The following RESF1 variants were observed in gnomAD, a reference collection of about 807,000 sequenced individuals.
RESF1 encodes gonad expressed transcript.
In RESF1, 65 loss-of-function variants were observed where a neutral mutation model predicts 134.7. The observed-to-expected ratio is 0.48, with a 90% CI of 0.40 to 0.59. The LOEUF is 0.59. Among genes scored for constraint, RESF1 ranks in the 20% least tolerant of loss-of-function variants. The pLI is 0.00. For synonymous variants in RESF1, 762 were observed against 702.2 expected, an observed-to-expected ratio of 1.09 and a Z score of -1.35; for missense variants, 2,274 against 2,002.7, an observed-to-expected ratio of 1.14 and a Z score of -2.59.
At position 31,984,545 on chromosome 12, in the gene RESF1, C is replaced by A. The variant is rs368018013; in HGVS notation, c.3590C>A (p.Ser1197Tyr). The A allele has an allele frequency of 1.6e-5, 26 of 1,589,992 alleles. No homozygotes were observed. Among genetic ancestry groups the A allele is most frequent in the Non-Finnish European group, 2.1e-5 (25 of 1,169,412 alleles). The change falls in exon 4 of 6, where the codon TCT (serine) becomes TAT (tyrosine). Residue 1197 changes from serine to tyrosine, a missense_variant. Coordinates refer to ENST00000312561, the MANE Select transcript of RESF1 (RefSeq NM_018169.4). ...QCQCNSIKNS[S>Y]SEEEKQKEQC... is the part of the protein sequence containing the mutation. ...CAGTGTAATTCCATCAAGAACTCAT[C>A]TTCAGAGGAAGAGAAACAAAAAGAG... is the stretch of plus-strand genomic sequence containing the variant.
chr12:31,975,466 T>G (rs192396829), intron 3 of RESF1, among the ~76,000 whole-genome samples: 1 of 152,372 alleles, frequency 6.6e-6, no homozygotes, highest in African/African-American at 2.4e-5. Flanking sequence ...TGATAAATGC[T>G]TAATAGTATG....
chr12:31,986,234 G>A (rs186970570), intron 4 of RESF1, among the ~76,000 whole-genome samples: 58 of 152,296 alleles, frequency 3.8e-4, no homozygotes, highest in African/African-American at 1.3e-3. Context: ...GTACCAAGAA[G>A]GCTGTACTGT....
chr12:31,985,079 G>C lies in RESF1; in HGVS notation c.4124G>C (p.Arg1375Pro). ...KLKSVSFKQK[R>P]KLDQGNVLDM... ...AAATCAGTTAGCTTCAAACAAAAACGAAAGTTAGACCAAGGGAACGTATTA... is the reference window on the plus strand; with the variant it reads ...AAATCAGTTAGCTTCAAACAAAAACCAAAGTTAGACCAAGGGAACGTATTA... The change falls in exon 4 of 6, where the codon CGA becomes CCA. Residue 1375 changes from arginine to proline, a missense_variant. Arg to Pro is a moderately radical substitution (Grantham distance 103). Coordinates refer to ENST00000312561, the MANE Select transcript of RESF1 (RefSeq NM_018169.4). The C allele has an allele frequency of 6.4e-7, 1 of 1,569,162 alleles. No individual in the cohort carries two copies. Among genetic ancestry groups the C allele is most frequent in the Non-Finnish European group, 8.6e-7 (1 of 1,165,740 alleles).
At position 31,985,974 on chromosome 12, in the gene RESF1, T is replaced by G; in HGVS notation, c.5002+17T>G. The G allele has an allele frequency of 6.9e-7, 1 of 1,452,502 alleles. No individual in the cohort carries two copies. Among genetic ancestry groups the G allele is most frequent in the Non-Finnish European group, 9.1e-7 (1 of 1,102,460 alleles). 90.0% of individuals were successfully genotyped at this position (1,452,502 alleles called of 1,614,324 possible). On this transcript the variant is annotated intron_variant, in intron 4 of 5. Transcript: ENST00000312561. ...CTCTGCAAGGTCCAGTATGATTTTCTTGGTGGTGTCTACAATATTGTAAAG... is the reference window on the plus strand; with the variant it reads ...CTCTGCAAGGTCCAGTATGATTTTCGTGGTGGTGTCTACAATATTGTAAAG...
chr12:31,978,075 A>AT (rs1939678162), intron 3 of RESF1, among the ~76,000 whole-genome samples: 2 of 152,042 alleles, frequency 1.3e-5, no homozygotes, highest in South Asian at 4.1e-4. Flanking sequence ...AAGTGCTGGG[A>AT]TTACAGGCAA....
chr12:31,992,238 C>A, intron 5 of RESF1, 140 bp from the exon 6 acceptor site: 1 of 711,296 alleles, frequency 1.4e-6, no homozygotes, highest in Non-Finnish European at 2.4e-6. Flanking sequence ...AAGTGAAGAG[C>A]TATGGTTCTG....
intron 1 of RESF1, among the ~76,000 whole-genome samples, chr12:31,960,473 G>T (rs552258729): frequency 1.7e-4 from 26 of 152,042 alleles, no homozygotes; most frequent in Non-Finnish European, 3.4e-4. Context: ...CTGTGCAGTC[G>T]GATTTTTTTC....
At chr12:31,975,764 A>G (rs1418013559) in intron 3 of RESF1, among the ~76,000 whole-genome samples, 1 of 152,096 alleles carries the variant, frequency 6.6e-6, no homozygotes, top group Non-Finnish European at 1.5e-5. Flanking sequence ...GGCCTTTTTC[A>G]CTCAGTCTTG....
Position 31,985,318 on chromosome 12 carries a change from C to T in RESF1, c.4363C>T (p.His1455Tyr). 6.2e-7 allele frequency: 1 copy of T among 1,612,180 alleles called. No individual in the cohort carries two copies. Among genetic ancestry groups the T allele is most frequent in the South Asian group, 1.1e-5 (1 of 90,556 alleles). The part of the protein sequence containing the change: ...TPKEYLQRQK[H>Y]KEALSNKASK... The stretch of plus-strand genomic sequence containing the variant: ...TAAGGAGTATTTACAAAGGCAGAAG[C>T]ATAAAGAAGCTCTGAGTAATAAAGC... Residue 1455 changes from histidine (H) to tyrosine (Y), a missense_variant, in exon 4 of 6, where the codon CAT becomes TAT. Physicochemically the swap from His to Tyr is moderately conservative, Grantham distance 83. Coordinates refer to ENST00000312561, the MANE Select transcript of RESF1 (RefSeq NM_018169.4).
chr12:31,988,387 A>G (rs759230910), intron 5 of RESF1, among the ~76,000 whole-genome samples: 1 of 152,272 alleles, frequency 6.6e-6, no homozygotes, highest in Non-Finnish European at 1.5e-5. Flanking sequence ...ACAATATAGT[A>G]TAACAACTGT....
intron 2 of RESF1, among the ~76,000 whole-genome samples, chr12:31,968,333 T>G (rs188397331): frequency 6.6e-6 from 1 of 151,158 alleles, no homozygotes; most frequent in East Asian, 1.9e-4. Flanking sequence ...CCTACGTCTT[T>G]TAGGTACTGA....
At position 31,984,949 on chromosome 12, in the gene RESF1, C is replaced by T. The variant is rs538266903; in HGVS notation, c.3994C>T (p.Arg1332Cys). ...GAAGAAACATGTAACACAGAACTCA[C>T]GTCCACTAAAAACAAAAACAGCTTT... ...RQKKHVTQNSRPLKTKTAFLP... is the reference protein window; with the variant it reads ...RQKKHVTQNSCPLKTKTAFLP... Residue 1332 changes from arginine to cysteine, a missense_variant, in exon 4 of 6, where the codon CGT becomes TGT. Transcript: ENST00000312561. The T allele has an allele frequency of 2.7e-5, 44 of 1,613,220 alleles. No homozygotes were observed. The highest frequency in any genetic ancestry group is 4.4e-5 in the South Asian group (4 of 90,726).
chr12:31,984,578 C>A lies in RESF1; in HGVS notation c.3623C>A (p.Ser1208Tyr). 1 of 1,585,440 alleles carries A rather than the reference C, an allele frequency of 6.3e-7. No homozygotes were observed. The highest frequency in any genetic ancestry group is 1.4e-5 in the African/African-American group (1 of 73,564). The change falls in exon 4 of 6, where the codon TCT (serine) becomes TAT (tyrosine). Residue 1208 changes from serine (S) to tyrosine (Y), a missense_variant. Coordinates refer to ENST00000312561, the MANE Select transcript of RESF1 (RefSeq NM_018169.4). Reference sequence around the variant, plus strand: ...GAAGAGAAACAAAAAGAGCAGTGTTCTCCTTTGGATACCAACAGTTGTAAA... The same window carrying A: ...GAAGAGAAACAAAAAGAGCAGTGTTATCCTTTGGATACCAACAGTTGTAAA... ...SEEEKQKEQCSPLDTNSCKQG... is the reference protein window; with the variant it reads ...SEEEKQKEQCYPLDTNSCKQG...
At chr12:31,976,616 G>C (rs955568244) in intron 3 of RESF1, among the ~76,000 whole-genome samples, 2 of 152,084 alleles carry the variant, frequency 1.3e-5, no homozygotes, top group Non-Finnish European at 2.9e-5. Flanking sequence ...CCAGGAGGCA[G>C]AGGTTGCAGT....
intron 3 of RESF1, among the ~76,000 whole-genome samples, chr12:31,972,752 CTTG>C (rs1172004535): frequency 2.0e-5 from 3 of 152,066 alleles, no homozygotes; most frequent in Non-Finnish European, 4.4e-5. Context: ...GAACTGATTG[CTTG>C]TTATGTGGGG....
intron 3 of RESF1, among the ~76,000 whole-genome samples, chr12:31,976,054 G>A (rs1939623378): frequency 6.6e-6 from 1 of 152,132 alleles, no homozygotes; most frequent in South Asian, 2.1e-4. Flanking sequence ...ACCATTGTAG[G>A]AGAGTTCCAT....
At chr12:31,971,236 G>T (rs141426672) in intron 3 of RESF1, among the ~76,000 whole-genome samples, 2 of 152,108 alleles carry the variant, frequency 1.3e-5, no homozygotes, top group African/African-American at 4.8e-5. Flanking sequence ...TCCGCCTCCC[G>T]GATTCAAGTG....
Position 31,992,588 on chromosome 12 carries a change from T to A in RESF1, c.*53T>A. 1.3e-6 allele frequency: 2 copies of A among 1,525,234 alleles called. No individual in the cohort carries two copies. The highest frequency in any genetic ancestry group is 1.8e-6 in the Non-Finnish European group (2 of 1,109,060). The allele number at this position is 1,525,234 out of a possible 1,614,324, so 94.5% of individuals were successfully genotyped here. A position where few individuals can be genotyped will look rare whatever the true frequency, so the allele number is the denominator to read the frequency against. Reference sequence around the variant, plus strand: ...CTGGGAAATTTCTTTCCTTTTCTGTTCAAAATATTTCGCTGAAACTAATGA... The same window carrying A: ...CTGGGAAATTTCTTTCCTTTTCTGTACAAAATATTTCGCTGAAACTAATGA... On this transcript the variant is annotated 3_prime_UTR_variant, in exon 6 of 6. Transcript: ENST00000312561.
rs982814221 is a variant in RESF1, at chr12:31,982,957, T to C, written c.2002T>C (p.Cys668Arg). Residue 668 changes from cysteine (C) to arginine (R), a missense_variant, in exon 4 of 6, where the codon TGT becomes CGT. Physicochemically the swap from Cys to Arg is radical, Grantham distance 180. Coordinates refer to ENST00000312561, the MANE Select transcript of RESF1 (RefSeq NM_018169.4). ...KGMPAKSDSS[C>R]SMEVLATCLS... Reference sequence around the variant, plus strand: ...AATGCCTGCTAAAAGTGACAGTAGCTGTTCCATGGAAGTGCTAGCAACCTG... The same window carrying C: ...AATGCCTGCTAAAAGTGACAGTAGCCGTTCCATGGAAGTGCTAGCAACCTG... The C allele has an allele frequency of 3.7e-6, 6 of 1,613,960 alleles. No homozygotes were observed. In the African/African-American group the frequency reaches 6.7e-5, roughly 18 times the overall value.
Sources: allele counts gnomAD v4.1 joint callset (sites outside exome capture counted in the v4.1 genomes callset), GRCh38; gene constraint gnomAD v4.1.1; transcripts MANE v1.5; gene names NCBI Gene and HGNC (gene_info 2026-07-23, HGNC 2026-07-21).